The following KANSL2 variants were observed in gnomAD, a reference collection of about 807,000 sequenced individuals.
KANSL2 encodes KAT8 regulatory NSL complex subunit 2, also known as NSL complex protein NSL2.
Under a neutral mutation model 55.6 loss-of-function variants are expected in KANSL2, and 34 were observed. The ratio of observed to expected loss-of-function variants is 0.61; its 90% CI spans 0.46 to 0.81. The LOEUF (loss-of-function observed/expected upper bound fraction) is 0.81, where lower values mean the gene tolerates loss of function less well. Ranked by LOEUF, KANSL2 falls within the 40% of genes least tolerant of loss-of-function variation. The pLI, the probability that KANSL2 is intolerant of heterozygous loss-of-function variation, is 0.00. For synonymous variants in KANSL2, 209 were observed against 214.3 expected (o/e 0.98, Z 0.22); for missense variants, 502 against 609.9 (o/e 0.82, Z 1.86).
intron 7 of KANSL2, chr12:48,662,678 G>A (rs1349471773): frequency 2.3e-6 from 3 of 1,282,318 alleles, no homozygotes; most frequent in East Asian, 5.7e-5. Flanking sequence ...TTAAGGAAGG[G>A]TAAGTGACTT....
chr12:48,676,557 C>T (rs527527140), intron 4 of KANSL2, among the ~76,000 whole-genome samples: 1 of 152,150 alleles, frequency 6.6e-6, no homozygotes, highest in Admixed American at 6.5e-5. Context: ...ACTCGGGAGG[C>T]TGAGGCAGGA....
chr12:48,660,553 T>G lies in KANSL2; in HGVS notation c.1040A>C (p.Asn347Thr). Residue 347 changes from asparagine to threonine, a missense_variant, in exon 8 of 10, where the codon AAC (asparagine) becomes ACC (threonine). Coordinates refer to ENST00000420613, the MANE Select transcript of KANSL2 (RefSeq NM_017822.4). ...CCQGSEEVPC[N>T]KPVPVSLSED... ...AGAGAGGCTTACAGGAACAGGTTTG[T>G]TGCAGGGTACCTCTTCAGATCCCTG... 6.2e-7 allele frequency: 1 copy of G among 1,613,390 alleles called. No homozygotes were observed. The highest frequency in any genetic ancestry group is 8.5e-7 in the Non-Finnish European group (1 of 1,179,664).
Position 48,681,384 on chromosome 12 carries a change from A to G in KANSL2, c.249T>C (p.Asp83=), listed in dbSNP as rs371946940. ...PNAAPKPEKK[D]GVSFCAEHVR... Reference sequence around the variant, plus strand: ...CATATATATCTATACATATATACCCATCTTTCTTCTCTGGCTTTGGGGCAG... The same window carrying G: ...CATATATATCTATACATATATACCCGTCTTTCTTCTCTGGCTTTGGGGCAG... The change falls in exon 2 of 10, where the codon GAT becomes GAC. Residue 83 remains aspartate (D), a splice_region_variant and synonymous_variant. Coordinates refer to ENST00000420613, the MANE Select transcript of KANSL2 (RefSeq NM_017822.4). The G allele has an allele frequency of 5.2e-5, 84 of 1,611,728 alleles. No homozygotes were observed. Among genetic ancestry groups the G allele is most frequent in the Non-Finnish European group, 6.8e-5 (80 of 1,178,808 alleles).
intron 8 of KANSL2, among the ~76,000 whole-genome samples, chr12:48,657,720 G>A (rs1030584320): frequency 3.9e-5 from 6 of 152,164 alleles, no homozygotes; most frequent in Middle Eastern, 3.4e-3. Flanking sequence ...GGGTTCAAGC[G>A]ATTCTCCTGC....
At chr12:48,673,335 G>A (rs986830650) in intron 4 of KANSL2, among the ~76,000 whole-genome samples, 1 of 151,580 alleles carries the variant, frequency 6.6e-6, no homozygotes, top group Non-Finnish European at 1.5e-5. Flanking sequence ...CAAGGCAGGC[G>A]AATCACCTGA....
At chr12:48,680,980 G>C (rs10783276) in intron 2 of KANSL2, among the ~76,000 whole-genome samples, 75,090 of 150,832 alleles carry the variant, frequency 0.5, 21,693 homozygotes, top group East Asian at 0.98. Context: ...CCGCCCCCCC[G>C]CCAAAAAATT....
chr12:48,681,868 G>A (rs902144388), intron 1 of KANSL2: 2 of 704,748 alleles, frequency 2.8e-6, no homozygotes, highest in Non-Finnish European at 2.6e-6. Flanking sequence ...CACGCTGAAT[G>A]TATCTTCAGG....
In KANSL2 at chr12:48,662,440, A is replaced by C. The variant is rs1019212688; in HGVS notation, c.974-1821T>G. 2.1e-5 allele frequency: 21 copies of C among 981,946 alleles called. No homozygotes were observed. The Middle Eastern group carries it at 1.2e-3, about 57-fold the overall frequency. The allele number at this position is 981,946 out of a possible 1,614,324, so 60.8% of individuals were successfully genotyped here. A position where few individuals can be genotyped will look rare whatever the true frequency, so the allele number is the denominator to read the frequency against. ...TTTTATTGGAATTCAAAGGACTTTC[A>C]CAAGTCTCTTATGTATTTAATACCA... On this transcript the variant is annotated intron_variant, in intron 7 of 9. Coordinates refer to ENST00000420613, the MANE Select transcript of KANSL2 (RefSeq NM_017822.4).
intron 2 of KANSL2, 110 bp downstream of exon 2, chr12:48,681,272 C>T (rs904140771): frequency 7.5e-7 from 1 of 1,325,860 alleles, no homozygotes; most frequent in Non-Finnish European, 1.0e-6. Flanking sequence ...AACCATAACC[C>T]CAAATTTACA....
In KANSL2 at chr12:48,660,354, T is replaced by C. The variant is rs1255628470; in HGVS notation, c.1227+12A>G. 1 of 1,613,460 alleles carries C rather than the reference T, an allele frequency of 6.2e-7. No individual in the cohort carries two copies. Among genetic ancestry groups the C allele is most frequent in the South Asian group, 1.1e-5 (1 of 91,058 alleles). On this transcript the variant is annotated intron_variant, in intron 8 of 9. Coordinates refer to ENST00000420613, the MANE Select transcript of KANSL2 (RefSeq NM_017822.4). ...CAAGGGCCTGAACCAAAGCAGAGCT[T>C]CTCTAACTTACATCACTGAACTCCA...
At chr12:48,681,270 C>T in intron 2 of KANSL2, 112 bp downstream of exon 2, 1 of 1,289,194 alleles carries the variant, frequency 7.8e-7, no homozygotes, top group East Asian at 2.5e-5. Flanking sequence ...ACAACCATAA[C>T]CCCAAATTTA....
intron 7 of KANSL2, chr12:48,661,132 G>A: frequency 4.5e-6 from 2 of 445,958 alleles, no homozygotes; most frequent in Non-Finnish European, 5.9e-6. Flanking sequence ...GGAATAGGGG[G>A]AAACAGAGCT....
intron 7 of KANSL2, among the ~76,000 whole-genome samples, chr12:48,664,119 T>C (rs1460760973): frequency 1.3e-5 from 2 of 151,938 alleles, no homozygotes; most frequent in Non-Finnish European, 2.9e-5. Flanking sequence ...TTCACCATAT[T>C]GGCAAAGCTG....
In KANSL2 at chr12:48,660,560, G is replaced by A; in HGVS notation, c.1033C>T (p.Pro345Ser). The A allele has an allele frequency of 3.7e-6, 6 of 1,613,246 alleles. No homozygotes were observed. Among genetic ancestry groups the A allele is most frequent in the Non-Finnish European group, 5.1e-6 (6 of 1,179,566 alleles). Residue 345 changes from proline (P) to serine (S), a missense_variant, in exon 8 of 10, where the codon CCC becomes TCC. Coordinates refer to ENST00000420613, the MANE Select transcript of KANSL2 (RefSeq NM_017822.4). ...FKCCQGSEEVPCNKPVPVSLS... is the reference protein window; with the variant it reads ...FKCCQGSEEVSCNKPVPVSLS... ...CTTACAGGAACAGGTTTGTTGCAGG[G>A]TACCTCTTCAGATCCCTGGCAGCAC... is the stretch of plus-strand genomic sequence containing the variant.
rs374060905 is a variant in KANSL2 at position 48,681,595 on chromosome 12, C to T, written c.38G>A (p.Arg13Gln). 8.7e-6 allele frequency: 14 copies of T among 1,613,896 alleles called. No individual in the cohort carries two copies. In the African/African-American group the frequency reaches 1.9e-4, roughly 22 times the overall value. Reference sequence around the variant, plus strand: ...CCTGGGCACTGGAGTGATCCTCCCCCGATTGGTTGGCAAGACGTGAATCCG... The same window carrying T: ...CCTGGGCACTGGAGTGATCCTCCCCTGATTGGTTGGCAAGACGTGAATCCG... Reference protein sequence around the residue: ...RIRIHVLPTNRGRITPVPRSQ... With the variant: ...RIRIHVLPTNQGRITPVPRSQ... Residue 13 changes from arginine (R) to glutamine (Q), a missense_variant, in exon 2 of 10, where the codon CGG becomes CAG. By Grantham distance (43) the Arg-to-Gln change is conservative. Transcript: ENST00000420613.
chr12:48,662,008 C>T (rs759044603), intron 7 of KANSL2, among the ~76,000 whole-genome samples: 10 of 152,190 alleles, frequency 6.6e-5, no homozygotes, highest in Non-Finnish European at 1.3e-4. Context: ...TAATGGGAAT[C>T]ATCAGATTTG....
chr12:48,671,274 T>TAAAAAA (rs10648260), intron 5 of KANSL2, among the ~76,000 whole-genome samples: 41 of 142,310 alleles, frequency 2.9e-4, no homozygotes, highest in South Asian at 6.7e-4. Context: ...CCGTCTCAAT[T>TAAAAAA]AAAAAAAAAA....
At chr12:48,662,360 C>T (rs1475115448) in intron 7 of KANSL2, among the ~76,000 whole-genome samples, 2 of 152,246 alleles carry the variant, frequency 1.3e-5, no homozygotes, top group Non-Finnish European at 2.9e-5. Context: ...CCGCCTCAGC[C>T]TCCCAAAGTG....
At chr12:48,678,345 GCTTA>G (rs1939862074) in intron 4 of KANSL2, among the ~76,000 whole-genome samples, 1 of 152,090 alleles carries the variant, frequency 6.6e-6, no homozygotes, top group South Asian at 2.1e-4. Context: ...AAGAGCAGAA[GCTTA>G]CTAAGATATA....
Sources: allele counts gnomAD v4.1 joint callset (sites outside exome capture counted in the v4.1 genomes callset), GRCh38; gene constraint gnomAD v4.1.1; transcripts MANE v1.5; gene names NCBI Gene and HGNC (gene_info 2026-07-23, HGNC 2026-07-21).